The following ERBB4 variants were observed in gnomAD, a reference collection of about 807,000 sequenced individuals.
ERBB4 encodes the protein erb-b2 receptor tyrosine kinase 4, also known as receptor tyrosine-protein kinase erbB-4.
In ERBB4, 42 loss-of-function variants were observed where a neutral mutation model predicts 158.0. The observed-to-expected ratio is 0.27, with a 90% CI of 0.21 to 0.34. ERBB4 has a LOEUF of 0.34. Among genes scored for constraint, ERBB4 ranks in the 10% least tolerant of loss-of-function variants. The pLI, the probability that ERBB4 is intolerant of heterozygous loss-of-function variation, is 1.00. For synonymous variants in ERBB4, 583 were observed against 558.7 expected (o/e 1.04, Z -0.61); for missense variants, 1,333 against 1,624.1 (o/e 0.82, Z 3.08).
intron 20 of ERBB4, among the ~76,000 whole-genome samples, chr2:211,524,120 G>A (rs944542259): frequency 5.9e-5 from 9 of 152,082 alleles, no homozygotes; most frequent in African/African-American, 1.9e-4. Context: ...AGTGCCGATT[G>A]GTGTATTTAC....
chr2:212,232,470 A>G (rs2083702244), intron 1 of ERBB4, among the ~76,000 whole-genome samples: 3 of 152,124 alleles, frequency 2.0e-5, no homozygotes, highest in South Asian at 4.1e-4. Context: ...GTGCAGTAGC[A>G]TGATCTCAGC....
At chr2:211,662,276 G>GA (rs892015330) in intron 15 of ERBB4, among the ~76,000 whole-genome samples, 5 of 151,694 alleles carry the variant, frequency 3.3e-5, no homozygotes, top group Admixed American at 3.3e-4. Flanking sequence ...TATTAGTGAG[G>GA]AAAAAAATCA....
chr2:212,276,590 T>C (rs1358086654), intron 1 of ERBB4, among the ~76,000 whole-genome samples: 1 of 151,798 alleles, frequency 6.6e-6, no homozygotes, highest in Admixed American at 6.6e-5. Context: ...GTCAACAGTA[T>C]ACATGAGAAG....
At position 211,678,828 on chromosome 2, in the gene ERBB4, A is replaced by G. The variant is rs111926249; in HGVS notation, c.1622+224T>C. On this transcript the variant is annotated intron_variant, in intron 13 of 27. Transcript: ENST00000342788. ...AAAAAATACAAAAAATTAGCCGGGC[A>G]TGGTGGCGGGCGCCTGTAATCCCAG... is the stretch of plus-strand genomic sequence containing the variant. 0.11 allele frequency among the ~76,000 whole-genome samples: 16,569 copies of G among 151,792 alleles called. 958 individuals are homozygous for G. The highest frequency in any genetic ancestry group is 0.16 in the Admixed American group (2,365 of 15,258).
chr2:211,515,912 A>ATATATATATATATATATATATTTTTTTT (rs35696520), intron 20 of ERBB4, among the ~76,000 whole-genome samples: 1 of 78,976 alleles, frequency 1.3e-5, no homozygotes, highest in Non-Finnish European at 2.4e-5. Context: ...ATATATATAT[A>ATATATATATATATATATATATTTTTTTT]TTTTTTTTTT....
intron 4 of ERBB4, among the ~76,000 whole-genome samples, chr2:211,771,696 T>C (rs1287830670): frequency 6.6e-6 from 1 of 152,178 alleles, no homozygotes; most frequent in African/African-American, 2.4e-5. Context: ...AAAGTGATTG[T>C]TCTTTCTTGC....
intron 2 of ERBB4, among the ~76,000 whole-genome samples, chr2:212,048,051 T>A (rs147615713): frequency 6.6e-6 from 1 of 152,234 alleles, no homozygotes; most frequent in African/African-American, 2.4e-5. Flanking sequence ...AGCTATAAGC[T>A]GACAAGAAAA....
intron 15 of ERBB4, among the ~76,000 whole-genome samples, chr2:211,664,765 T>A (rs1012798640): frequency 1.3e-5 from 2 of 152,208 alleles, no homozygotes; most frequent in African/African-American, 4.8e-5. Flanking sequence ...GCTAAAGGAT[T>A]ACCTGTAACA....
intron 1 of ERBB4, among the ~76,000 whole-genome samples, chr2:212,128,859 G>A (rs1271565195): frequency 6.6e-6 from 1 of 152,100 alleles, no homozygotes; most frequent in Non-Finnish European, 1.5e-5. Context: ...GTTGATTCAT[G>A]TGCATATTCC....
intron 20 of ERBB4, among the ~76,000 whole-genome samples, chr2:211,498,972 G>A (rs926239922): frequency 6.6e-6 from 1 of 152,050 alleles, no homozygotes; most frequent in African/African-American, 2.4e-5. Context: ...CCCAACAATG[G>A]GTTATAATGA....
At chr2:212,495,341 A>T (rs1690502624) in intron 1 of ERBB4, among the ~76,000 whole-genome samples, 1 of 152,196 alleles carries the variant, frequency 6.6e-6, no homozygotes, top group Non-Finnish European at 1.5e-5. Context: ...AGGAGTGGGA[A>T]TCACTTAGTT....
intron 2 of ERBB4, among the ~76,000 whole-genome samples, chr2:212,123,026 A>G (rs1196207045): frequency 6.6e-6 from 1 of 152,182 alleles, no homozygotes; most frequent in Non-Finnish European, 1.5e-5. Flanking sequence ...TGTCTATTCT[A>G]TAAAGTCATT....
At chr2:212,352,561 A>C (rs2106343794) in intron 1 of ERBB4, among the ~76,000 whole-genome samples, 1 of 152,256 alleles carries the variant, frequency 6.6e-6, no homozygotes, top group Admixed American at 6.5e-5. Flanking sequence ...GTAAAACCAT[A>C]GAAATAAAAT....
chr2:211,945,217 G>C (rs1237041861), intron 3 of ERBB4, among the ~76,000 whole-genome samples: 1 of 151,964 alleles, frequency 6.6e-6, no homozygotes, highest in Non-Finnish European at 1.5e-5. Flanking sequence ...TGAACTGTTA[G>C]GTGTCTTCTA....
intron 1 of ERBB4, among the ~76,000 whole-genome samples, chr2:212,521,024 G>A (rs1692131680): frequency 6.6e-6 from 1 of 151,960 alleles, no homozygotes; most frequent in Non-Finnish European, 1.5e-5. Flanking sequence ...GTCAGTGTTT[G>A]TGTATAGATG....
chr2:212,409,674 G>A (rs1336343051), intron 1 of ERBB4, among the ~76,000 whole-genome samples: 1 of 152,080 alleles, frequency 6.6e-6, no homozygotes, highest in African/African-American at 2.4e-5. Flanking sequence ...TACTCATGCT[G>A]AGAATTCATT....
intron 19 of ERBB4, among the ~76,000 whole-genome samples, chr2:211,602,923 G>C (rs952547775): frequency 6.6e-6 from 1 of 152,032 alleles, no homozygotes; most frequent in African/African-American, 2.4e-5. Flanking sequence ...CATGAGAGTG[G>C]AATTCTTAAG....
At chr2:211,564,836 T>C (rs2067501886) in intron 19 of ERBB4, among the ~76,000 whole-genome samples, 1 of 152,290 alleles carries the variant, frequency 6.6e-6, no homozygotes, top group South Asian at 2.1e-4. Context: ...CAAATAGCTC[T>C]GGGAAAGGTG....
At chr2:212,185,037 T>TTTTG in intron 1 of ERBB4, among the ~76,000 whole-genome samples, 1 of 151,404 alleles carries the variant, frequency 6.6e-6, no homozygotes, top group African/African-American at 2.4e-5. Flanking sequence ...TTTTTTTCTT[T>TTTTG]TGAGACAGAG....
Sources: allele counts gnomAD v4.1 joint callset (sites outside exome capture counted in the v4.1 genomes callset), GRCh38; gene constraint gnomAD v4.1.1; transcripts MANE v1.5; gene names NCBI Gene and HGNC (gene_info 2026-07-23, HGNC 2026-07-21).